FBXL18: variants seen among roughly 807,000 people sequenced by gnomAD.
FBXL18 encodes F-box/LRR-repeat protein 18.
In FBXL18, 36 loss-of-function variants were observed where a neutral mutation model predicts 46.0. That is an observed-to-expected ratio of 0.78 (90% confidence interval 0.60 to 1.03). The LOEUF is 1.03. FBXL18 is among the 50% of genes least tolerant of loss of function. The pLI is 0.00. For missense variants in FBXL18, 977 were observed against 1,004.1 expected (o/e 0.97, Z 0.36); for synonymous variants, 557 against 465.3 (o/e 1.20, Z -2.54).
intron 3 of FBXL18, among the ~76,000 whole-genome samples, chr7:5,497,545 G>C (rs1325447994): frequency 6.6e-6 from 1 of 152,234 alleles, no homozygotes; most frequent in Non-Finnish European, 1.5e-5. Context: ...GGTCGAGAGG[G>C]AGGGTGGCGC....
At chr7:5,502,830 A>G (rs7796623) in intron 2 of FBXL18, among the ~76,000 whole-genome samples, 24,367 of 92,006 alleles carry the variant, frequency 0.26, 2,061 homozygotes, top group South Asian at 0.37. Flanking sequence ...CCATCTCAAA[A>G]AAGAAAAAAA....
chr7:5,486,318 C>A (rs1783775947), intron 4 of FBXL18, among the ~76,000 whole-genome samples: 1 of 147,006 alleles, frequency 6.8e-6, no homozygotes. Context: ...ACTCCAGAGG[C>A]AGAGGCAGGA....
At chr7:5,503,381 C>A (rs929461781) in intron 2 of FBXL18, among the ~76,000 whole-genome samples, 4 of 152,170 alleles carry the variant, frequency 2.6e-5, no homozygotes, top group African/African-American at 9.7e-5. Context: ...GAGACAAGGT[C>A]TCATTCTGTT....
chr7:5,512,063 G>T (rs1191933954), intron 1 of FBXL18, among the ~76,000 whole-genome samples: 1 of 136,648 alleles, frequency 7.3e-6, no homozygotes, highest in Non-Finnish European at 1.6e-5. Flanking sequence ...GTGAAACCCC[G>T]TCTCTAGTAA....
intron 4 of FBXL18, among the ~76,000 whole-genome samples, chr7:5,482,528 G>GC (rs1163907393): frequency 1.3e-5 from 1 of 75,018 alleles, no homozygotes; most frequent in Non-Finnish European, 2.5e-5. Context: ...CAGGCGACCA[G>GC]CCCCCGCCAC....
At chr7:5,486,983 C>A (rs1315196135) in intron 4 of FBXL18, among the ~76,000 whole-genome samples, 4 of 152,258 alleles carry the variant, frequency 2.6e-5, no homozygotes, top group Non-Finnish European at 5.9e-5. Context: ...GAGAGCAAAC[C>A]GCTGCTCCTC....
chr7:5,511,781 A>AG (rs916410028), intron 1 of FBXL18, among the ~76,000 whole-genome samples: 2 of 146,348 alleles, frequency 1.4e-5, no homozygotes, highest in Admixed American at 1.4e-4. Flanking sequence ...AAAAAAAAAA[A>AG]GGATCTGAAA....
intron 2 of FBXL18, among the ~76,000 whole-genome samples, chr7:5,504,915 C>CAAAAAA (rs59985346): frequency 1.1e-3 from 32 of 30,066 alleles, no homozygotes; most frequent in East Asian, 3.2e-3. Flanking sequence ...GACTCCATCT[C>CAAAAAA]AAAAAAAAAA....
chr7:5,496,458 G>A lies in FBXL18; in HGVS notation c.1781+4030C>T, dbSNP rs1784083771. 6.7e-6 allele frequency among the ~76,000 whole-genome samples: 1 copy of A among 148,168 alleles called. No homozygotes were observed. Among genetic ancestry groups the A allele is most frequent in the South Asian group, 2.2e-4 (1 of 4,616 alleles). On this transcript the variant is annotated intron_variant, in intron 3 of 4. Coordinates refer to ENST00000382368, the MANE Select transcript of FBXL18 (RefSeq NM_024963.6). This position sits in a 1 kb window ranked among gnomAD's most constrained non-coding sequence, Gnocchi z 4.8. The stretch of plus-strand genomic sequence containing the variant: ...TCACGTGTGCCCCAGCCCAATCCGT[G>A]GGCTCACCTGGATCCATAGGTGGCT...
At chr7:5,511,570 C>T (rs1584250013) in intron 1 of FBXL18, among the ~76,000 whole-genome samples, 2 of 151,190 alleles carry the variant, frequency 1.3e-5, no homozygotes, top group South Asian at 4.2e-4. Context: ...CGTGCCATGG[C>T]ACTCCAGCCT....
At chr7:5,459,014 A>C (rs930738972) in intron 4 of FBXL18, among the ~76,000 whole-genome samples, 1 of 152,072 alleles carries the variant, frequency 6.6e-6, no homozygotes, top group African/African-American at 2.4e-5. Context: ...TTAACTGGGC[A>C]TGGTGGTATG....
At chr7:5,494,349 G>A (rs1332149998) in intron 3 of FBXL18, among the ~76,000 whole-genome samples, 1 of 151,916 alleles carries the variant, frequency 6.6e-6, no homozygotes, top group Non-Finnish European at 1.5e-5. Flanking sequence ...GAAGGCAGGA[G>A]AATTGCTTGG....
rs1784278857 is a variant in FBXL18 at position 5,501,969 on chromosome 7, GC to G, written c.299del (p.Ser100ThrfsTer23). The G allele has an allele frequency of 6.2e-7, 1 of 1,607,948 alleles. No individual in the cohort carries two copies. Among genetic ancestry groups the G allele is most frequent in the African/African-American group, 1.3e-5 (1 of 74,896 alleles). The stretch of plus-strand genomic sequence containing the variant: ...CAGGCAGCCAGTAGCAGCCAGCCAT[GC>G]TCAGCTGCTGGATCTCCCGGCCGAT... ...KEIGREIQQL[S>X]MAGCYWLPGS... On this transcript the variant is annotated frameshift_variant, in exon 3 of 5. Transcript: ENST00000382368. LOFTEE classifies it high-confidence loss of function.
At chr7:5,493,274 G>A (rs962001673) in intron 3 of FBXL18, among the ~76,000 whole-genome samples, 5 of 152,216 alleles carry the variant, frequency 3.3e-5, no homozygotes, top group Non-Finnish European at 7.3e-5. Context: ...CTTCGAGGCT[G>A]CAGTGAGCTA....
chr7:5,454,904 G>A (rs373318753), intron 4 of FBXL18, among the ~76,000 whole-genome samples: 14 of 152,312 alleles, frequency 9.2e-5, no homozygotes, highest in African/African-American at 2.2e-4. Context: ...TGGCTAAGCC[G>A]CTGTTGTTTG....
chr7:5,501,038 G>T lies in FBXL18; in HGVS notation c.1231C>A (p.Arg411=). ...LGRHLCQLLA[R]LRHLRSLSLP... is the part of the protein sequence containing the mutation. ...GAGAGGGAGCGCAGGTGACGCAGCC[G>T]GGCCAGGAGCTGGCAGAGGTGGCGG... Residue 411 remains arginine (R), a synonymous_variant, in exon 3 of 5, where the codon CGG becomes AGG. Transcript: ENST00000382368. 1 of 1,605,648 alleles carries T rather than the reference G, an allele frequency of 6.2e-7. No individual in the cohort carries two copies. The highest frequency in any genetic ancestry group is 8.5e-7 in the Non-Finnish European group (1 of 1,177,740).
Position 5,500,890 on chromosome 7 carries a change from G to C in FBXL18, c.1379C>G (p.Pro460Arg). 6.3e-7 allele frequency: 1 copy of C among 1,591,870 alleles called. No homozygotes were observed. Among genetic ancestry groups the C allele is most frequent in the East Asian group, 2.2e-5 (1 of 44,550 alleles). The part of the protein sequence containing the change: ...KKVRVGVQSC[P>R]SPFSGQACPQ... ...GCACGCCTGGCCCGAGAAGGGGCTG[G>C]GACAGGACTGCACGCCCACACGCAC... is the stretch of plus-strand genomic sequence containing the variant. Residue 460 changes from proline (P) to arginine (R), a missense_variant, in exon 3 of 5, where the codon CCC becomes CGC. By Grantham distance (103) the Pro-to-Arg change is moderately radical (BLOSUM62 -2). Transcript: ENST00000382368.
chr7:5,501,471 G>A lies in FBXL18; in HGVS notation c.798C>T (p.Leu266=), dbSNP rs751672796. The A allele has an allele frequency of 1.4e-5, 22 of 1,613,790 alleles. No individual in the cohort carries two copies. Among genetic ancestry groups the A allele is most frequent in the Non-Finnish European group, 1.9e-5 (22 of 1,180,042 alleles). The change falls in exon 3 of 5, where the codon CTC becomes CTT. Residue 266 remains leucine, a synonymous_variant. Coordinates refer to ENST00000382368, the MANE Select transcript of FBXL18 (RefSeq NM_024963.6). ...CCGCGAAGCTGCCAGGGACGGAGAT[G>A]AGGAAGGCGTGGAGGTTCTGAGGAG... is the stretch of plus-strand genomic sequence containing the variant. ...DRTPQNLHAF[L]ISVPGSFAES... is the part of the protein sequence containing the mutation.
At chr7:5,512,432 T>C (rs1437030649) in intron 1 of FBXL18, among the ~76,000 whole-genome samples, 1 of 151,534 alleles carries the variant, frequency 6.6e-6, no homozygotes, top group Non-Finnish European at 1.5e-5. Flanking sequence ...CTGGCCAACA[T>C]GGCGAAACCC....
Sources: gnomAD v4.1 joint callset for allele counts (sites outside exome capture counted in the v4.1 genomes callset) on GRCh38, gnomAD v4.1.1 for gene constraint, Gnocchi (gnomAD v3.1) non-coding constraint, MANE v1.5 for transcripts, NCBI Gene and HGNC (gene_info 2026-07-23, HGNC 2026-07-21) for gene names.